NECAB1: variants seen among roughly 807,000 people sequenced by gnomAD.
The protein encoded by NECAB1 is N-terminal EF-hand calcium binding protein 1.
A neutral mutation model predicts 57.5 loss-of-function variants in NECAB1; 29 were observed. That is an observed-to-expected ratio of 0.50 (90% CI 0.38 to 0.69). NECAB1 has a LOEUF of 0.69. Ranked by LOEUF, NECAB1 falls within the 30% of genes least tolerant of loss-of-function variation. NECAB1 has a pLI of 0.00. For missense variants in NECAB1, 372 were observed against 413.8 expected, an observed-to-expected ratio of 0.90 and a Z score of 0.88; for synonymous variants, 142 against 147.7, an observed-to-expected ratio of 0.96 and a Z score of 0.28.
intron 5 of NECAB1, among the ~76,000 whole-genome samples, chr8:90,881,824 CAAGAT>C (rs1372332763): frequency 6.6e-5 from 10 of 152,110 alleles, no homozygotes; most frequent in Non-Finnish European, 8.8e-5. Flanking sequence ...ATGAGAAGCA[CAAGAT>C]AAGACATCTA....
intron 10 of NECAB1, among the ~76,000 whole-genome samples, chr8:90,947,393 T>C (rs1300374526): frequency 2.9e-5 from 3 of 104,980 alleles, no homozygotes; most frequent in African/African-American, 1.3e-4. Context: ...ATGTAACTTC[T>C]TTTTTTTTTT....
At chr8:90,841,291 A>T (rs1812451887) in intron 3 of NECAB1, among the ~76,000 whole-genome samples, 1 of 151,560 alleles carries the variant, frequency 6.6e-6, no homozygotes, top group Admixed American at 6.6e-5. Flanking sequence ...GGGACCAAGT[A>T]GTTGAGGTAG....
chr8:90,840,847 T>C (rs1057484371), intron 3 of NECAB1, among the ~76,000 whole-genome samples: 1 of 150,400 alleles, frequency 6.6e-6, no homozygotes. Flanking sequence ...AACTCTTCTT[T>C]GGGGGATGTT....
chr8:90,799,451 G>A (rs138576449), intron 1 of NECAB1, among the ~76,000 whole-genome samples: 37 of 152,048 alleles, frequency 2.4e-4, no homozygotes, highest in African/African-American at 8.2e-4. Flanking sequence ...GTCTTATATC[G>A]AAATTTTTAA....
chr8:90,862,405 T>C (rs1008190600), intron 3 of NECAB1, among the ~76,000 whole-genome samples: 1 of 152,118 alleles, frequency 6.6e-6, no homozygotes, highest in Non-Finnish European at 1.5e-5. Context: ...GAGCATGTAT[T>C]ACCCATTTAA....
chr8:90,858,526 A>G (rs1195007583), intron 3 of NECAB1, among the ~76,000 whole-genome samples: 1 of 152,166 alleles, frequency 6.6e-6, no homozygotes, highest in Non-Finnish European at 1.5e-5. Flanking sequence ...CTAATGAAAG[A>G]AAGAGAGTAT....
chr8:90,866,009 C>G (rs954782185), intron 3 of NECAB1, among the ~76,000 whole-genome samples: 12 of 152,058 alleles, frequency 7.9e-5, no homozygotes, highest in Admixed American at 3.3e-4. Flanking sequence ...TTTTATATGA[C>G]CAATTACAAA....
intron 5 of NECAB1, among the ~76,000 whole-genome samples, chr8:90,917,013 A>G (rs1809969823): frequency 6.6e-6 from 1 of 152,204 alleles, no homozygotes; most frequent in South Asian, 2.1e-4. Context: ...TCAGCATAAT[A>G]CGGATCAAGC....
chr8:90,906,893 A>ATG (rs1809683046), intron 5 of NECAB1, among the ~76,000 whole-genome samples: 4 of 137,548 alleles, frequency 2.9e-5, no homozygotes, highest in African/African-American at 1.1e-4. Context: ...ATATATATAT[A>ATG]TATATATATA....
chr8:90,896,184 GCTT>G (rs1363932901), intron 5 of NECAB1, among the ~76,000 whole-genome samples: 2 of 152,126 alleles, frequency 1.3e-5, no homozygotes, highest in Non-Finnish European at 2.9e-5. Flanking sequence ...ATCCAGAGAA[GCTT>G]CTTCTTTTGG....
chr8:90,955,416 A>G (rs1811013169), intron 12 of NECAB1, 71 bp from the exon 13 acceptor site: 1 of 1,126,254 alleles, frequency 8.9e-7, no homozygotes, highest in African/African-American at 1.6e-5. Flanking sequence ...TTTAGAAATA[A>G]TTTGCACCTT....
chr8:90,792,659 G>A (rs1013613401), intron 1 of NECAB1, among the ~76,000 whole-genome samples: 5 of 151,900 alleles, frequency 3.3e-5, no homozygotes, highest in African/African-American at 1.2e-4. Flanking sequence ...TTCTCACTTC[G>A]GTATCGACTG....
At chr8:90,954,742 A>G (rs1321044843) in intron 12 of NECAB1, among the ~76,000 whole-genome samples, 1 of 150,932 alleles carries the variant, frequency 6.6e-6, no homozygotes, top group African/African-American at 2.4e-5. Context: ...TCCTATGTGT[A>G]TAAATATATG....
At chr8:90,910,260 G>A (rs1213107310) in intron 5 of NECAB1, among the ~76,000 whole-genome samples, 2 of 151,840 alleles carry the variant, frequency 1.3e-5, no homozygotes, top group Non-Finnish European at 2.9e-5. Context: ...TTGCACTTGG[G>A]TCTGTTTTGT....
At chr8:90,934,773 G>T (rs1810494080) in intron 9 of NECAB1, among the ~76,000 whole-genome samples, 1 of 152,114 alleles carries the variant, frequency 6.6e-6, no homozygotes, top group African/African-American at 2.4e-5. Context: ...CAGGCACATT[G>T]AAAATGCTCA....
chr8:90,797,307 T>C (rs923883727), intron 1 of NECAB1, among the ~76,000 whole-genome samples: 1 of 152,232 alleles, frequency 6.6e-6, no homozygotes, highest in Non-Finnish European at 1.5e-5. Flanking sequence ...TACCTACCTG[T>C]TGCTGGAACA....
chr8:90,815,724 T>C (rs1024547236), intron 2 of NECAB1, among the ~76,000 whole-genome samples: 17 of 152,064 alleles, frequency 1.1e-4, no homozygotes, highest in Admixed American at 9.2e-4. Context: ...CATGACTTCA[T>C]AGCACAACTT....
At chr8:90,826,529 C>T (rs1812228174) in intron 3 of NECAB1, among the ~76,000 whole-genome samples, 4 of 151,710 alleles carry the variant, frequency 2.6e-5, no homozygotes, top group Admixed American at 2.6e-4. Context: ...GCAGAGGCTC[C>T]CCTTGCGGCT....
intron 12 of NECAB1, among the ~76,000 whole-genome samples, chr8:90,953,491 T>C (rs1002158883): frequency 3.3e-5 from 5 of 152,214 alleles, no homozygotes; most frequent in African/African-American, 4.8e-5. Context: ...TGTATTAATT[T>C]CATGTTACAT....
Sources: gnomAD v4.1 joint callset for allele counts (sites outside exome capture counted in the v4.1 genomes callset) on GRCh38, gnomAD v4.1.1 for gene constraint, MANE v1.5 for transcripts, NCBI Gene and HGNC (gene_info 2026-07-23, HGNC 2026-07-21) for gene names.